Variants in MREG observed in about 807,000 individuals in gnomAD.
The protein encoded by MREG is dilute suppressor protein homolog.
Under a neutral mutation model 28.5 loss-of-function variants are expected in MREG, and 31 were observed. The observed-to-expected ratio is 1.09, with a 90% CI of 0.82 to 1.47. The LOEUF (loss-of-function observed/expected upper bound fraction) is 1.47. Ranked by LOEUF, MREG falls within the 40% of genes most tolerant of loss-of-function variation. The probability of loss-of-function intolerance (pLI) is 0.00; values close to 1 mark genes in which losing one functional copy is unlikely to be tolerated. For synonymous variants in MREG, 106 were observed against 95.2 expected (o/e 1.11, Z -0.66); for missense variants, 256 against 257.4 (o/e 0.99, Z 0.04).
intron 2 of MREG, among the ~76,000 whole-genome samples, chr2:215,991,851 A>G (rs1693729389): frequency 6.6e-6 from 1 of 152,226 alleles, no homozygotes; most frequent in Non-Finnish European, 1.5e-5. Flanking sequence ...ACCAGGAGGA[A>G]TTTGAATCCC....
At position 215,996,301 on chromosome 2, in the gene MREG, C is replaced by T. The variant is rs751891387; in HGVS notation, c.255+5G>A. On this transcript the variant is annotated splice_donor_5th_base_variant and intron_variant, in intron 2 of 4. Transcript: ENST00000263268. ...GCGCACAGCAAGACATCAAAAGGTG[C>T]TCACCTCTGAGTCTTTGGCCTGCTG... The T allele has an allele frequency of 1.2e-6, 2 of 1,611,980 alleles. No homozygotes were observed. The highest frequency in any genetic ancestry group is 1.7e-6 in the Non-Finnish European group (2 of 1,179,368).
intron 2 of MREG, among the ~76,000 whole-genome samples, chr2:215,949,474 T>C (rs1356181599): frequency 6.6e-6 from 1 of 151,620 alleles, no homozygotes; most frequent in Non-Finnish European, 1.5e-5. Flanking sequence ...GGCAGGAGAA[T>C]TGCTTGAACC....
intron 1 of MREG, among the ~76,000 whole-genome samples, chr2:216,008,753 T>C (rs1389738161): frequency 1.3e-5 from 2 of 152,174 alleles, no homozygotes; most frequent in African/African-American, 4.8e-5. Flanking sequence ...GTGGGCCAAA[T>C]TCAAAACAAA....
intron 1 of MREG, among the ~76,000 whole-genome samples, chr2:216,005,628 G>A (rs192241069): frequency 3.3e-5 from 5 of 151,256 alleles, no homozygotes; most frequent in Non-Finnish European, 7.4e-5. Flanking sequence ...TTTTTTTGTA[G>A]TTTGAGTAGA....
chr2:215,994,331 A>G (rs1693801704), intron 2 of MREG, among the ~76,000 whole-genome samples: 1 of 151,504 alleles, frequency 6.6e-6, no homozygotes, highest in Admixed American at 6.6e-5. Flanking sequence ...CAAACACCAC[A>G]TGTTCTCACT....
At position 215,945,351 on chromosome 2, in the gene MREG, C is replaced by T. The variant is rs143987359; in HGVS notation, c.510+220G>A. On this transcript the variant is annotated intron_variant, in intron 4 of 4. Transcript: ENST00000263268. Reference sequence around the variant, plus strand: ...ACAAACTCTTGAGCTGGAACCCAAGCCTCAGTAGGTCTACGTGTGATACAG... The same window carrying T: ...ACAAACTCTTGAGCTGGAACCCAAGTCTCAGTAGGTCTACGTGTGATACAG... Among the ~76,000 whole-genome samples, 6 of 152,302 alleles carry T rather than the reference C, an allele frequency of 3.9e-5. No homozygotes were observed. In the East Asian group the frequency reaches 1.2e-3, roughly 29 times the overall value.
At chr2:215,998,320 A>AAAAT (rs1553554015) in intron 1 of MREG, among the ~76,000 whole-genome samples, 13 of 138,898 alleles carry the variant, frequency 9.4e-5, no homozygotes, top group African/African-American at 3.5e-4. Context: ...AAAAAAAAAA[A>AAAAT]AATAATAATA....
chr2:215,975,915 G>C (rs183081073), intron 2 of MREG, among the ~76,000 whole-genome samples: 1 of 152,096 alleles, frequency 6.6e-6, no homozygotes, highest in African/African-American at 2.4e-5. Flanking sequence ...GTGAAACACT[G>C]TCTCTACTAA....
chr2:215,951,003 C>G (rs1347833950), intron 2 of MREG, among the ~76,000 whole-genome samples: 1 of 152,082 alleles, frequency 6.6e-6, no homozygotes, highest in Non-Finnish European at 1.5e-5. Flanking sequence ...CTCTCTCTCT[C>G]TCTCTGTCTC....
chr2:215,972,751 A>G (rs1255570807), intron 2 of MREG, among the ~76,000 whole-genome samples: 2 of 152,128 alleles, frequency 1.3e-5, no homozygotes, highest in African/African-American at 4.8e-5. Context: ...AGTTTATTGT[A>G]TGTCCATTAT....
intron 2 of MREG, among the ~76,000 whole-genome samples, chr2:215,956,602 G>C (rs1274741580): frequency 1.3e-5 from 2 of 152,180 alleles, no homozygotes; most frequent in East Asian, 3.8e-4. Context: ...GCAGTGGCAT[G>C]ATCATGGCTC....
At chr2:215,955,835 G>A (rs944243028) in intron 2 of MREG, among the ~76,000 whole-genome samples, 9 of 152,110 alleles carry the variant, frequency 5.9e-5, no homozygotes, top group Non-Finnish European at 8.8e-5. Flanking sequence ...ATCCTCTCAC[G>A]TTTGTCTTTC....
downstream of MREG, among the ~76,000 whole-genome samples, chr2:215,942,208 C>G (rs1417091460): frequency 1.3e-5 from 2 of 152,072 alleles, no homozygotes; most frequent in African/African-American, 4.8e-5. Context: ...ATCTACCACC[C>G]CAAATCAACC....
intron 2 of MREG, among the ~76,000 whole-genome samples, chr2:215,977,317 CAAG>C (rs1320967299): frequency 7.2e-5 from 11 of 152,288 alleles, no homozygotes; most frequent in Non-Finnish European, 1.3e-4. Flanking sequence ...ATCTATTCAA[CAAG>C]AAGAACTAAC....
intron 2 of MREG, among the ~76,000 whole-genome samples, chr2:215,963,714 C>A (rs1559178941): frequency 6.6e-6 from 1 of 152,114 alleles, no homozygotes; most frequent in Admixed American, 6.5e-5. Flanking sequence ...CCTAATACCA[C>A]CAGAAAACAC....
intron 1 of MREG, among the ~76,000 whole-genome samples, chr2:216,031,123 T>C (rs1163524288): frequency 2.6e-5 from 4 of 152,068 alleles, no homozygotes; most frequent in Admixed American, 1.3e-4. Flanking sequence ...AAGAGTTGCA[T>C]AGGCCAGACA....
chr2:216,007,384 T>C (rs1694183013), intron 1 of MREG, among the ~76,000 whole-genome samples: 4 of 151,618 alleles, frequency 2.6e-5, no homozygotes, highest in Admixed American at 2.6e-4. Flanking sequence ...AGCGTCCTTT[T>C]TGTGATCACT....
intron 1 of MREG, among the ~76,000 whole-genome samples, chr2:216,006,197 C>A (rs150797401): frequency 2.6e-5 from 4 of 152,194 alleles, no homozygotes; most frequent in Non-Finnish European, 4.4e-5. Flanking sequence ...CTTCCAATGG[C>A]ACTATGACTA....
chr2:216,025,843 C>A (rs1018926249), intron 1 of MREG, among the ~76,000 whole-genome samples: 1 of 152,244 alleles, frequency 6.6e-6, no homozygotes, highest in Admixed American at 6.5e-5. Flanking sequence ...GGCAGTCACA[C>A]AAGCTCAGGA....
Sources: gnomAD v4.1 joint callset for allele counts (sites outside exome capture counted in the v4.1 genomes callset) on GRCh38, gnomAD v4.1.1 for gene constraint, MANE v1.5 for transcripts, NCBI Gene and HGNC (gene_info 2026-07-23, HGNC 2026-07-21) for gene names.